Variants in STRN observed in about 807,000 individuals in gnomAD.
The protein encoded by STRN is striatin.
STRN carries 53 observed loss-of-function variants against 96.3 expected under a neutral mutation model. That is an observed-to-expected ratio of 0.55 (90% CI 0.44 to 0.69). The LOEUF (loss-of-function observed/expected upper bound fraction) is 0.69, where lower values mean the gene tolerates loss of function less well. Ranked by LOEUF, STRN falls within the 30% of genes least tolerant of loss-of-function variation. The pLI is 0.00. For missense variants in STRN, 987 were observed against 963.9 expected (o/e 1.02, Z -0.32); for synonymous variants, 428 against 355.9 (o/e 1.20, Z -2.28).
At chr2:36,900,868 A>C (rs930730601) in intron 5 of STRN, among the ~76,000 whole-genome samples, 18 of 151,968 alleles carry the variant, frequency 1.2e-4, no homozygotes, top group African/African-American at 4.4e-4. Flanking sequence ...ACTCCAGCCC[A>C]GGTGACAGAG....
At chr2:36,884,770 T>C (rs1669167567) in intron 8 of STRN, among the ~76,000 whole-genome samples, 1 of 152,148 alleles carries the variant, frequency 6.6e-6, no homozygotes. Flanking sequence ...TGGAAATATC[T>C]CTACTAGACC....
chr2:36,914,990 G>A (rs1012546370), intron 3 of STRN, among the ~76,000 whole-genome samples: 2 of 151,788 alleles, frequency 1.3e-5, no homozygotes, highest in African/African-American at 4.8e-5. Context: ...GAGGTCAGGA[G>A]ATCGAGACCA....
chr2:36,911,085 T>C (rs1238995033), intron 3 of STRN, among the ~76,000 whole-genome samples: 1 of 152,182 alleles, frequency 6.6e-6, no homozygotes, highest in Non-Finnish European at 1.5e-5. Context: ...TATTTGAATA[T>C]ACCCTTTCTG....
chr2:36,915,174 G>A (rs1670059889), intron 3 of STRN, among the ~76,000 whole-genome samples: 1 of 144,378 alleles, frequency 6.9e-6, no homozygotes. Flanking sequence ...TCCAGGCTGG[G>A]TGACAGAGCA....
At chr2:36,929,998 A>G (rs1670528958) in intron 1 of STRN, among the ~76,000 whole-genome samples, 1 of 152,244 alleles carries the variant, frequency 6.6e-6, no homozygotes, top group African/African-American at 2.4e-5. Flanking sequence ...AAGTTTCAAT[A>G]ATCGCTTTAT....
At chr2:36,949,785 G>A (rs1205349986) in intron 1 of STRN, among the ~76,000 whole-genome samples, 1 of 152,098 alleles carries the variant, frequency 6.6e-6, no homozygotes, top group African/African-American at 2.4e-5. Context: ...AGTTATAGTA[G>A]GTCATCCAGG....
chr2:36,892,257 C>G (rs1230401127), intron 7 of STRN, among the ~76,000 whole-genome samples: 1 of 152,126 alleles, frequency 6.6e-6, no homozygotes, highest in Admixed American at 6.5e-5. Context: ...CCTGGGACTA[C>G]TAGAGGCAGG....
At chr2:36,915,611 A>C (rs11124552) in intron 3 of STRN, among the ~76,000 whole-genome samples, 6 of 152,134 alleles carry the variant, frequency 3.9e-5, no homozygotes, top group African/African-American at 1.4e-4. Context: ...GTGGACAAGA[A>C]AGACCAAAAC....
At chr2:36,896,247 GA>G (rs1207165142) in intron 6 of STRN, among the ~76,000 whole-genome samples, 2 of 152,114 alleles carry the variant, frequency 1.3e-5, no homozygotes, top group African/African-American at 2.4e-5. Flanking sequence ...CTCTTGGGGG[GA>G]AAAACTTGTT....
intron 3 of STRN, among the ~76,000 whole-genome samples, chr2:36,910,630 T>TA (rs760103273): frequency 2.2e-4 from 34 of 152,180 alleles, no homozygotes; most frequent in Non-Finnish European, 2.8e-4. Context: ...AATTGAATCC[T>TA]AAAAAATATT....
chr2:36,965,441 A>C (rs1665135187), intron 1 of STRN, among the ~76,000 whole-genome samples: 1 of 152,238 alleles, frequency 6.6e-6, no homozygotes. Context: ...TATGCAAGGC[A>C]ATGTAACTAA....
intron 6 of STRN, among the ~76,000 whole-genome samples, chr2:36,897,688 C>T (rs918368398): frequency 2.6e-5 from 4 of 152,020 alleles, no homozygotes; most frequent in East Asian, 1.9e-4. Context: ...CCATCCGTCT[C>T]GGCCTCCCAA....
chr2:36,878,104 T>A, intron 9 of STRN, 77 bp from the exon 10 acceptor site: 1 of 1,513,486 alleles, frequency 6.6e-7, no homozygotes, highest in Admixed American at 1.9e-5. Context: ...TGCATCAAAT[T>A]TCTTATAAGT....
chr2:36,868,544 GTATCGC>G (rs1668685746), intron 11 of STRN, among the ~76,000 whole-genome samples: 2 of 152,170 alleles, frequency 1.3e-5, no homozygotes, highest in South Asian at 4.1e-4. Flanking sequence ...TTTCTACACT[GTATCGC>G]AGTTACGCAT....
chr2:36,965,438 G>GT (rs1334954297), intron 1 of STRN, among the ~76,000 whole-genome samples: 7 of 152,172 alleles, frequency 4.6e-5, no homozygotes, highest in Admixed American at 1.3e-4. Flanking sequence ...GATTATGCAA[G>GT]GCAATGTAAC....
intron 2 of STRN, among the ~76,000 whole-genome samples, chr2:36,922,089 G>A (rs952318111): frequency 3.3e-5 from 5 of 152,112 alleles, no homozygotes; most frequent in Non-Finnish European, 7.4e-5. Flanking sequence ...ACTAGCAAAT[G>A]ATTTAGGGGA....
At chr2:36,921,320 T>A (rs1452977296) in intron 2 of STRN, among the ~76,000 whole-genome samples, 3 of 152,008 alleles carry the variant, frequency 2.0e-5, no homozygotes, top group Non-Finnish European at 2.9e-5. Flanking sequence ...AATACTACTC[T>A]CTCCTCCTTC....
intron 1 of STRN, among the ~76,000 whole-genome samples, chr2:36,934,698 A>G (rs1670658027): frequency 1.3e-5 from 2 of 152,232 alleles, no homozygotes; most frequent in Admixed American, 1.3e-4. Flanking sequence ...TCCCAACGGA[A>G]GAAGGCTATC....
rs1667992071 is a variant in STRN at position 36,843,313 on chromosome 2, G to C, written c.*6143C>G. ...GGATCCTGATTGGAACAAAAAGACT[G>C]TGAGTTCTGGGCAGGCCAAAGGCCT... is the stretch of plus-strand genomic sequence containing the variant. On this transcript the variant is annotated 3_prime_UTR_variant, in exon 18 of 18. Transcript: ENST00000263918. Among the ~76,000 whole-genome samples, 1 of 152,136 alleles carries C rather than the reference G, an allele frequency of 6.6e-6. No individual in the cohort carries two copies. The highest frequency in any genetic ancestry group is 1.5e-5 in the Non-Finnish European group (1 of 68,016).
Sources: allele counts gnomAD v4.1 joint callset (sites outside exome capture counted in the v4.1 genomes callset), GRCh38; gene constraint gnomAD v4.1.1; transcripts MANE v1.5; gene names NCBI Gene and HGNC (gene_info 2026-07-23, HGNC 2026-07-21).